The following BRINP1 variants were observed in gnomAD, a reference collection of about 807,000 sequenced individuals.
BRINP1 encodes the protein BMP/retinoic acid inducible neural specific 1.
Under a neutral mutation model 72.9 loss-of-function variants are expected in BRINP1, and 17 were observed. That is an observed-to-expected ratio of 0.23 (90% CI 0.16 to 0.35). BRINP1 has a LOEUF of 0.35. BRINP1 is among the 10% of genes least tolerant of loss of function. BRINP1 has a pLI of 1.00. For missense variants in BRINP1, 850 were observed against 1,001.6 expected (o/e 0.85, Z 2.04); for synonymous variants, 418 against 378.5 (o/e 1.10, Z -1.21).
rs545218173 is a variant in BRINP1 at position 119,354,677 on chromosome 9, T to C, written c.-51+14379A>G. Among the ~76,000 whole-genome samples the C allele has an allele frequency of 2.0e-5, 3 of 149,586 alleles. No individual in the cohort carries two copies. In the South Asian group the frequency reaches 6.4e-4, roughly 32 times the overall value. On this transcript the variant is annotated intron_variant, in intron 1 of 7. Transcript: ENST00000265922. ...CAGTTCAAGACCAGCCTGGGCAACATAGCAAGAACCCCGTCTCTAAAAAAA... is the reference window on the plus strand; with the variant it reads ...CAGTTCAAGACCAGCCTGGGCAACACAGCAAGAACCCCGTCTCTAAAAAAA...
At chr9:119,205,439 G>A (rs1465581343) in intron 7 of BRINP1, among the ~76,000 whole-genome samples, 4 of 152,118 alleles carry the variant, frequency 2.6e-5, no homozygotes, top group Non-Finnish European at 5.9e-5. Flanking sequence ...TCCCATGATG[G>A]TAGAGCATTT....
chr9:119,363,922 T>C (rs534899532), intron 1 of BRINP1, among the ~76,000 whole-genome samples: 4 of 152,170 alleles, frequency 2.6e-5, no homozygotes, highest in Admixed American at 2.0e-4. Context: ...GACAGTTCTA[T>C]TTGACAGCTC....
intron 7 of BRINP1, among the ~76,000 whole-genome samples, chr9:119,171,446 T>A (rs148469977): frequency 6.7e-6 from 1 of 149,164 alleles, no homozygotes; most frequent in South Asian, 2.2e-4. Flanking sequence ...CCTAAATATA[T>A]ATGCACCCAA....
At chr9:119,263,263 T>C (rs1466316117) in intron 2 of BRINP1, among the ~76,000 whole-genome samples, 1 of 152,316 alleles carries the variant, frequency 6.6e-6, no homozygotes, top group East Asian at 1.9e-4. Context: ...CTCTGCCTTT[T>C]TAACAAGCTC....
chr9:119,202,802 C>T (rs571583255), intron 7 of BRINP1, among the ~76,000 whole-genome samples: 7 of 152,256 alleles, frequency 4.6e-5, no homozygotes, highest in South Asian at 2.1e-4. Context: ...AGGTGTGGTC[C>T]GGAATTATCT....
chr9:119,332,185 G>A (rs544454651), intron 1 of BRINP1, among the ~76,000 whole-genome samples: 6 of 152,232 alleles, frequency 3.9e-5, no homozygotes, highest in African/African-American at 7.2e-5. Context: ...TCACCACTCC[G>A]AGGATCTATT....
At chr9:119,185,384 T>A (rs1237078597) in intron 7 of BRINP1, among the ~76,000 whole-genome samples, 1 of 152,178 alleles carries the variant, frequency 6.6e-6, no homozygotes, top group African/African-American at 2.4e-5. Flanking sequence ...CAATCTTGAT[T>A]GACTAGATTT....
At chr9:119,204,742 A>G (rs1453782377) in intron 7 of BRINP1, among the ~76,000 whole-genome samples, 2 of 152,174 alleles carry the variant, frequency 1.3e-5, no homozygotes, top group African/African-American at 4.8e-5. Flanking sequence ...CTTAATCATC[A>G]CACTTAACCT....
intron 2 of BRINP1, among the ~76,000 whole-genome samples, chr9:119,293,746 A>G (rs755750965): frequency 3.0e-4 from 46 of 152,306 alleles, no homozygotes; most frequent in Admixed American, 6.5e-4. Flanking sequence ...TAGAAGAGTG[A>G]GAAGAGAAAA....
intron 1 of BRINP1, among the ~76,000 whole-genome samples, chr9:119,343,968 G>A (rs1238579925): frequency 6.6e-6 from 1 of 152,092 alleles, no homozygotes; most frequent in Non-Finnish European, 1.5e-5. Flanking sequence ...TCCCTCCTCT[G>A]TCTCAATCGC....
chr9:119,326,056 C>T (rs1831236876), intron 1 of BRINP1, among the ~76,000 whole-genome samples: 1 of 152,178 alleles, frequency 6.6e-6, no homozygotes, highest in Non-Finnish European at 1.5e-5. Context: ...TTGCTAGATA[C>T]TATGTCAGAC....
intron 1 of BRINP1, among the ~76,000 whole-genome samples, chr9:119,363,990 T>A (rs1361919701): frequency 6.7e-6 from 1 of 148,614 alleles, no homozygotes; most frequent in Non-Finnish European, 1.5e-5. Flanking sequence ...GTTGAATAAA[T>A]CCTCACTCAA....
chr9:119,249,213 C>T, intron 2 of BRINP1, 63 bp from the exon 3 acceptor site: 2 of 1,490,702 alleles, frequency 1.3e-6, no homozygotes, highest in East Asian at 2.3e-5. Context: ...CCAAAGTCCA[C>T]CCAACCATCC....
At chr9:119,234,238 C>A (rs1830173047) in intron 5 of BRINP1, among the ~76,000 whole-genome samples, 1 of 152,158 alleles carries the variant, frequency 6.6e-6, no homozygotes, top group Non-Finnish European at 1.5e-5. Flanking sequence ...TTCCTATAAG[C>A]AATGTGCCTA....
intron 7 of BRINP1, among the ~76,000 whole-genome samples, chr9:119,186,147 C>T (rs1829617964): frequency 6.6e-6 from 1 of 152,190 alleles, no homozygotes; most frequent in Non-Finnish European, 1.5e-5. Flanking sequence ...ACAGCCTAGG[C>T]TCGGTGGAGC....
chr9:119,359,608 T>C (rs1052514640), intron 1 of BRINP1, among the ~76,000 whole-genome samples: 6 of 152,272 alleles, frequency 3.9e-5, no homozygotes, highest in African/African-American at 1.2e-4. Context: ...AGAGCAGGTA[T>C]TCAAACTCCA....
chr9:119,357,029 T>A (rs1886368), intron 1 of BRINP1, among the ~76,000 whole-genome samples: 103,312 of 152,058 alleles, frequency 0.68, 35,505 homozygotes, highest in East Asian at 1. Context: ...CCTGTATTTT[T>A]TACATTTATT....
intron 2 of BRINP1, among the ~76,000 whole-genome samples, chr9:119,285,145 G>A (rs1830746435): frequency 6.6e-6 from 1 of 150,880 alleles, no homozygotes; most frequent in Admixed American, 6.6e-5. Context: ...GGCTCCTGCT[G>A]CAGTGTGGAG....
rs370788579 is a variant in BRINP1, at chr9:119,313,203, G to A, written c.153C>T (p.Ser51=). ...TTTCCACAAAGGATAGGTAGCTCCT[G>A]GAGTGGTGGAAAGGCCCCCTGTCTG... ...LISDRGPFHH[S]RSYLSFVERH... is the part of the protein sequence containing the mutation. The change falls in exon 2 of 8, where the codon TCC becomes TCT. Residue 51 remains serine (S), a synonymous_variant. Coordinates refer to ENST00000265922, the MANE Select transcript of BRINP1 (RefSeq NM_014618.3). 1.1e-5 allele frequency: 18 copies of A among 1,613,960 alleles called. No individual in the cohort carries two copies. The highest frequency in any genetic ancestry group is 2.7e-5 in the African/African-American group (2 of 74,906).
Sources: allele counts gnomAD v4.1 joint callset (sites outside exome capture counted in the v4.1 genomes callset), GRCh38; gene constraint gnomAD v4.1.1; transcripts MANE v1.5; gene names NCBI Gene and HGNC (gene_info 2026-07-23, HGNC 2026-07-21).